The following GRID2 variants were observed in gnomAD, a reference collection of about 807,000 sequenced individuals.
GRID2 encodes the protein glutamate ionotropic receptor delta type subunit 2.
In GRID2, 33 loss-of-function variants were observed where a neutral mutation model predicts 114.8. The observed-to-expected ratio is 0.29, with a 90% confidence interval of 0.22 to 0.38. The LOEUF is 0.38. Ranked by LOEUF, GRID2 falls within the 10% of genes least tolerant of loss-of-function variation. GRID2 has a pLI of 1.00. For missense variants in GRID2, 1,184 were observed against 1,257.7 expected, an observed-to-expected ratio of 0.94 and a Z score of 0.89; for synonymous variants, 505 against 449.9, an observed-to-expected ratio of 1.12 and a Z score of -1.55.
At chr4:93,066,899 C>T (rs1401685906) in intron 2 of GRID2, among the ~76,000 whole-genome samples, 1 of 151,884 alleles carries the variant, frequency 6.6e-6, no homozygotes, top group African/African-American at 2.4e-5. Flanking sequence ...GTCTTATAAC[C>T]CAGATGGCTA....
chr4:93,502,100 A>G (rs1728170831), intron 12 of GRID2, among the ~76,000 whole-genome samples: 1 of 152,070 alleles, frequency 6.6e-6, no homozygotes, highest in Non-Finnish European at 1.5e-5. Flanking sequence ...CTTTTGTGAA[A>G]TTAATGTGGG....
intron 2 of GRID2, among the ~76,000 whole-genome samples, chr4:92,786,149 T>C (rs893775952): frequency 2.0e-5 from 3 of 151,944 alleles, no homozygotes; most frequent in Non-Finnish European, 2.9e-5. Flanking sequence ...TCTTTTAACC[T>C]TGCCTAAAAC....
At chr4:92,974,044 T>C (rs1753692613) in intron 2 of GRID2, among the ~76,000 whole-genome samples, 1 of 152,110 alleles carries the variant, frequency 6.6e-6, no homozygotes, top group African/African-American at 2.4e-5. Flanking sequence ...AACGACACTT[T>C]TCAAAAGAAG....
Position 93,205,455 on chromosome 4 carries a change from G to C in GRID2, c.736-1949G>C, listed in dbSNP as rs62309157. 9.8e-4 allele frequency among the ~76,000 whole-genome samples: 149 copies of C among 152,102 alleles called. 1 individual carries two copies. The highest frequency in any genetic ancestry group is 1.7e-3 in the Non-Finnish European group (113 of 67,990). On this transcript the variant is annotated intron_variant, in intron 4 of 15. Coordinates refer to ENST00000282020, the MANE Select transcript of GRID2 (RefSeq NM_001510.4). ...AGTTTGCTGAGAATGATGGTTTCCA[G>C]TTTCATCCATGTCCCTACAAAGGAC...
chr4:92,577,248 T>C (rs527283838), intron 1 of GRID2, among the ~76,000 whole-genome samples: 8 of 152,032 alleles, frequency 5.3e-5, no homozygotes, highest in South Asian at 2.1e-4. Flanking sequence ...GTGTAGAGTG[T>C]TAGATAATAG....
At chr4:92,430,447 A>G (rs1732384109) in intron 1 of GRID2, among the ~76,000 whole-genome samples, 1 of 152,004 alleles carries the variant, frequency 6.6e-6, no homozygotes, top group Non-Finnish European at 1.5e-5. Context: ...TTGGTTCTCT[A>G]TTCTGTTCTA....
intron 2 of GRID2, among the ~76,000 whole-genome samples, chr4:93,074,667 GAACAGAAGC>G (rs1371376099): frequency 1.3e-5 from 2 of 152,144 alleles, no homozygotes; most frequent in East Asian, 3.9e-4. Context: ...ATGAGATAGA[GAACAGAAGC>G]AACAAAGAAA....
intron 8 of GRID2, among the ~76,000 whole-genome samples, chr4:93,345,522 A>C (rs1760134843): frequency 6.6e-6 from 1 of 151,906 alleles, no homozygotes; most frequent in Non-Finnish European, 1.5e-5. Context: ...GAGTTGTTCA[A>C]GTTTCTTATA....
At chr4:92,676,050 G>A (rs1450391877) in intron 2 of GRID2, among the ~76,000 whole-genome samples, 3 of 150,864 alleles carry the variant, frequency 2.0e-5, no homozygotes, top group African/African-American at 7.3e-5. Context: ...GGGCGAGTTC[G>A]ATACTCAATA....
At chr4:93,614,963 G>A (rs1208205494) in intron 13 of GRID2, among the ~76,000 whole-genome samples, 1 of 151,956 alleles carries the variant, frequency 6.6e-6, no homozygotes, top group African/African-American at 2.4e-5. Flanking sequence ...TAATTTTTGG[G>A]GCTTCCTTTT....
At chr4:92,910,744 T>C (rs1473781313) in intron 2 of GRID2, among the ~76,000 whole-genome samples, 2 of 152,132 alleles carry the variant, frequency 1.3e-5, no homozygotes, top group Admixed American at 6.6e-5. Flanking sequence ...GTGTGGCACT[T>C]GCATATAACC....
At chr4:92,788,226 T>C (rs888245435) in intron 2 of GRID2, among the ~76,000 whole-genome samples, 7 of 151,696 alleles carry the variant, frequency 4.6e-5, no homozygotes, top group African/African-American at 1.7e-4. Flanking sequence ...TGAAAAGAAG[T>C]AACCAATGAG....
At chr4:92,658,198 C>G (rs954439225) in intron 2 of GRID2, among the ~76,000 whole-genome samples, 1 of 151,578 alleles carries the variant, frequency 6.6e-6, no homozygotes, top group Non-Finnish European at 1.5e-5. Flanking sequence ...AATAAATGAT[C>G]CATTCAAAGT....
chr4:92,539,456 G>T (rs1725820372), intron 1 of GRID2, among the ~76,000 whole-genome samples: 1 of 151,876 alleles, frequency 6.6e-6, no homozygotes, highest in Admixed American at 6.6e-5. Flanking sequence ...TTAATCTACT[G>T]TTCCATAGGT....
At chr4:93,614,498 TTA>T (rs1167341261) in intron 13 of GRID2, among the ~76,000 whole-genome samples, 20 of 152,170 alleles carry the variant, frequency 1.3e-4, no homozygotes, top group African/African-American at 2.9e-4. Context: ...GTAATAATAA[TTA>T]TATATGTTTT....
rs190171528 is a variant in GRID2, at chr4:93,137,393, A to G, written c.735+26440A>G. Among the ~76,000 whole-genome samples the G allele has an allele frequency of 2.0e-4, 31 of 152,302 alleles. No homozygotes were observed. In the East Asian group the frequency reaches 5.4e-3, roughly 27 times the overall value. On this transcript the variant is annotated intron_variant, in intron 4 of 15. Coordinates refer to ENST00000282020, the MANE Select transcript of GRID2 (RefSeq NM_001510.4). ...AGAAATTTGCATTTTATATTAAGCA[A>G]TCTTCCATTTTATACGACTGCTGCT...
intron 8 of GRID2, among the ~76,000 whole-genome samples, chr4:93,346,417 A>T (rs768859618): frequency 7.2e-5 from 11 of 152,192 alleles, no homozygotes; most frequent in Non-Finnish European, 1.5e-4. Context: ...ACTCCAAAAC[A>T]GCATTTCCTC....
At chr4:92,652,888 T>TTATAAATACATATAAATATA (rs1732022587) in intron 2 of GRID2, among the ~76,000 whole-genome samples, 3 of 138,186 alleles carry the variant, frequency 2.2e-5, no homozygotes, top group East Asian at 2.2e-4. Flanking sequence ...AAAAATATAT[T>TTATAAATACATATAAATATA]TATAAATACA....
At chr4:92,798,430 T>G (rs1739995479) in intron 2 of GRID2, among the ~76,000 whole-genome samples, 1 of 152,046 alleles carries the variant, frequency 6.6e-6, no homozygotes, top group Admixed American at 6.6e-5. Flanking sequence ...TCAGTCAGGA[T>G]TTCCCCTTGT....
Sources: gnomAD v4.1 joint callset for allele counts (sites outside exome capture counted in the v4.1 genomes callset) on GRCh38, gnomAD v4.1.1 for gene constraint, MANE v1.5 for transcripts, NCBI Gene and HGNC (gene_info 2026-07-23, HGNC 2026-07-21) for gene names.